Variants in ASIC2 observed in about 807,000 individuals in gnomAD.
The protein encoded by ASIC2 is acid-sensing ion channel 2.
ASIC2 carries 25 observed loss-of-function variants against 57.3 expected under a neutral mutation model. That is an observed-to-expected ratio of 0.44 (90% CI 0.32 to 0.61). The LOEUF (loss-of-function observed/expected upper bound fraction) is 0.61, where lower values mean the gene tolerates loss of function less well. ASIC2 is among the 20% of genes least tolerant of loss of function. The pLI, the probability that ASIC2 is intolerant of heterozygous loss-of-function variation, is 0.06. For synonymous variants in ASIC2, 319 were observed against 307.5 expected, an observed-to-expected ratio of 1.04 and a Z score of -0.39; for missense variants, 641 against 738.1, an observed-to-expected ratio of 0.87 and a Z score of 1.52.
rs1189679852 is a variant in ASIC2, at chr17:33,548,690, A to G, written c.556-436623T>C. Among the ~76,000 whole-genome samples the G allele has an allele frequency of 2.6e-5, 4 of 152,140 alleles. No homozygotes were observed. In the East Asian group the frequency reaches 7.7e-4, roughly 29 times the overall value. On this transcript the variant is annotated intron_variant, in intron 1 of 9. Coordinates refer to the ASIC2 transcript ENST00000359872. ...AATTCCAAATCCCTACTATCTGGTCAGTTATGGTCAGACACTCAACTGTTT... is the reference window on the plus strand; with the variant it reads ...AATTCCAAATCCCTACTATCTGGTCGGTTATGGTCAGACACTCAACTGTTT...
At chr17:33,624,850 A>G (rs757747296) in intron 1 of ASIC2, among the ~76,000 whole-genome samples, 1 of 152,248 alleles carries the variant, frequency 6.6e-6, no homozygotes, top group Non-Finnish European at 1.5e-5. Context: ...CCAAGCATCC[A>G]TCATACATCT....
intron 1 of ASIC2, among the ~76,000 whole-genome samples, chr17:33,463,809 C>A (rs1912721784): frequency 6.6e-6 from 1 of 152,234 alleles, no homozygotes; most frequent in African/African-American, 2.4e-5. Context: ...GATACCACTG[C>A]TCATACTGTA....
intron 1 of ASIC2, among the ~76,000 whole-genome samples, chr17:33,356,473 C>T (rs1313218637): frequency 6.6e-6 from 1 of 152,102 alleles, no homozygotes; most frequent in East Asian, 1.9e-4. Context: ...GGACCAGAAA[C>T]ACAAGCACAC....
intron 1 of ASIC2, among the ~76,000 whole-genome samples, chr17:33,157,823 C>T (rs879453785): frequency 3.3e-5 from 5 of 152,228 alleles, no homozygotes; most frequent in Non-Finnish European, 7.3e-5. Context: ...GCTTCCATCC[C>T]ACTCTAAGTC....
intron 1 of ASIC2, among the ~76,000 whole-genome samples, chr17:34,130,979 G>A (rs1428906070): frequency 1.3e-5 from 2 of 152,156 alleles, no homozygotes; most frequent in Non-Finnish European, 2.9e-5. Context: ...GAAAGCCTTC[G>A]CGGAAAAAGC....
intron 5 of ASIC2, among the ~76,000 whole-genome samples, chr17:33,024,872 T>C (rs752130666): frequency 5.9e-5 from 9 of 152,230 alleles, no homozygotes; most frequent in Non-Finnish European, 1.0e-4. Flanking sequence ...GAATTCTCAG[T>C]TGAGTCCCAT....
At chr17:33,695,719 G>T (rs1908504261) in intron 1 of ASIC2, among the ~76,000 whole-genome samples, 1 of 152,032 alleles carries the variant, frequency 6.6e-6, no homozygotes, top group South Asian at 2.1e-4. Flanking sequence ...TAACCTCACA[G>T]ATAAAGACAT....
intron 1 of ASIC2, among the ~76,000 whole-genome samples, chr17:33,765,254 C>T (rs1293841076): frequency 7.2e-6 from 1 of 138,594 alleles, no homozygotes; most frequent in Admixed American, 6.9e-5. Context: ...TACAGGCGCC[C>T]GCTACCACGC....
chr17:34,114,761 G>T (rs1298623363), intron 1 of ASIC2, among the ~76,000 whole-genome samples: 1 of 152,200 alleles, frequency 6.6e-6, no homozygotes, highest in Non-Finnish European at 1.5e-5. Flanking sequence ...GACACAGCCA[G>T]CATTATTCCC....
chr17:33,859,767 C>A (rs910365906), intron 1 of ASIC2, among the ~76,000 whole-genome samples: 3 of 152,164 alleles, frequency 2.0e-5, no homozygotes, highest in African/African-American at 7.2e-5. Context: ...TGCATGCAGT[C>A]TTGAACTCCT....
chr17:33,170,423 G>A (rs1291216656), intron 1 of ASIC2, among the ~76,000 whole-genome samples: 1 of 152,178 alleles, frequency 6.6e-6, no homozygotes, highest in East Asian at 1.9e-4. Flanking sequence ...GTGAGAGTGG[G>A]AGGTCAGACA....
chr17:33,362,630 C>T (rs1908654595), intron 1 of ASIC2, among the ~76,000 whole-genome samples: 1 of 152,224 alleles, frequency 6.6e-6, no homozygotes, highest in Admixed American at 6.5e-5. Context: ...TCACAGGATT[C>T]TTGGAACTGT....
In ASIC2 at chr17:33,851,870, C is replaced by T. The variant is rs16968950; in HGVS notation, c.555+304108G>A. ...TGTTTATCTCCCAAATGGAATAACC[C>T]CTGTTCTGCTCAGTTCATAGAGTAA... On this transcript the variant is annotated intron_variant, in intron 1 of 9. Coordinates refer to the ASIC2 transcript ENST00000359872. Among the ~76,000 whole-genome samples, 12 of 152,278 alleles carry T rather than the reference C, an allele frequency of 7.9e-5. No homozygotes were observed. The East Asian group carries it at 2.1e-3, about 27-fold the overall frequency.
At chr17:33,865,775 A>AC (rs1567739124) in intron 1 of ASIC2, among the ~76,000 whole-genome samples, 11 of 95,844 alleles carry the variant, frequency 1.1e-4, no homozygotes, top group African/African-American at 1.6e-4. Flanking sequence ...AAAAAAACAA[A>AC]AAAAAAAACG....
At chr17:33,989,195 A>T (rs1905924253) in intron 1 of ASIC2, among the ~76,000 whole-genome samples, 1 of 152,048 alleles carries the variant, frequency 6.6e-6, no homozygotes. Context: ...AGTAGGAATG[A>T]TGGTAAGGTC....
At chr17:33,740,110 T>C (rs1377920464) in intron 1 of ASIC2, among the ~76,000 whole-genome samples, 1 of 152,164 alleles carries the variant, frequency 6.6e-6, no homozygotes, top group Admixed American at 6.5e-5. Context: ...TTCAAAGTCA[T>C]AGCCAAGTAC....
chr17:33,587,129 G>T (rs974678059), intron 1 of ASIC2, among the ~76,000 whole-genome samples: 2 of 152,208 alleles, frequency 1.3e-5, no homozygotes, highest in Non-Finnish European at 2.9e-5. Context: ...TATGTTACAT[G>T]ATTATGTATT....
At chr17:33,502,751 G>T (rs1036982023) in intron 1 of ASIC2, among the ~76,000 whole-genome samples, 1 of 152,096 alleles carries the variant, frequency 6.6e-6, no homozygotes, top group African/African-American at 2.4e-5. Context: ...CCTTAAAATG[G>T]GTTGGCCTCA....
intron 1 of ASIC2, among the ~76,000 whole-genome samples, chr17:33,678,435 C>CACACACACACACACACACACACA (rs1907894434): frequency 7.2e-6 from 1 of 139,508 alleles, no homozygotes; most frequent in African/African-American, 2.6e-5. Context: ...CTGGTTCAAT[C>CACACACACACACACACACACACA]CACACACACA....
Sources: gnomAD v4.1 joint callset for allele counts (sites outside exome capture counted in the v4.1 genomes callset) on GRCh38, gnomAD v4.1.1 for gene constraint, MANE v1.5 for transcripts, NCBI Gene and HGNC (gene_info 2026-07-23, HGNC 2026-07-21) for gene names.